The following THADA variants were observed in gnomAD, a reference collection of about 807,000 sequenced individuals.
THADA encodes THADA armadillo repeat containing, also known as tRNA (32-2'-O)-methyltransferase regulator THADA.
A neutral mutation model predicts 219.8 loss-of-function variants in THADA; 213 were observed. That is an observed-to-expected ratio of 0.97 (90% CI 0.87 to 1.09). The LOEUF (loss-of-function observed/expected upper bound fraction) is 1.09, where lower values mean the gene tolerates loss of function less well. Among genes scored for constraint, THADA ranks in the 50% least tolerant of loss-of-function variants. The pLI is 0.00. For missense variants in THADA, 2,956 were observed against 2,311.3 expected (o/e 1.28, Z -5.72); for synonymous variants, 1,018 against 828.9 (o/e 1.23, Z -3.92).
At chr2:43,564,999 T>C (rs1180500404) in intron 15 of THADA, 1 of 152,238 alleles carries the variant, frequency 6.6e-6, no homozygotes, top group Non-Finnish European at 1.5e-5. Flanking sequence ...AGGCCATTTG[T>C]TGGGACAATT....
At chr2:43,497,803 T>G (rs754720945) in intron 25 of THADA, among the ~76,000 whole-genome samples, 1 of 152,114 alleles carries the variant, frequency 6.6e-6, no homozygotes, top group African/African-American at 2.4e-5. Flanking sequence ...AAGAATCACT[T>G]GAACCCAGGA....
At chr2:43,272,197 G>A (rs1344943113) in intron 36 of THADA, among the ~76,000 whole-genome samples, 1 of 152,202 alleles carries the variant, frequency 6.6e-6, no homozygotes, top group Non-Finnish European at 1.5e-5. Flanking sequence ...CCCCAAAGAT[G>A]GCTGGAGTGG....
chr2:43,589,836 T>G (rs928717192), intron 4 of THADA, among the ~76,000 whole-genome samples: 4 of 151,638 alleles, frequency 2.6e-5, no homozygotes, highest in Admixed American at 6.6e-5. Context: ...AAATGAAAAT[T>G]AAAATTTAAA....
intron 29 of THADA, among the ~76,000 whole-genome samples, chr2:43,350,688 T>C (rs932391277): frequency 6.6e-6 from 1 of 152,232 alleles, no homozygotes; most frequent in Admixed American, 6.5e-5. Context: ...AACCTGGTCA[T>C]TCCCCAGAAG....
In THADA at chr2:43,545,037, T is replaced by G. The variant is rs1419073163; in HGVS notation, c.3107-3721A>C. ...TTGTCACAGATAGCTCTTATTATTT[T>G]GAGATACGTCCCATCAATATCTAAT... On this transcript the variant is annotated intron_variant, in intron 20 of 37. Transcript: ENST00000405975. Among the ~76,000 whole-genome samples the G allele has an allele frequency of 5.3e-5, 8 of 152,234 alleles. No individual in the cohort carries two copies. In the South Asian group the frequency reaches 1.7e-3, roughly 32 times the overall value.
chr2:43,539,657 G>A (rs1695051543), intron 21 of THADA, among the ~76,000 whole-genome samples: 1 of 152,184 alleles, frequency 6.6e-6, no homozygotes, highest in Non-Finnish European at 1.5e-5. Flanking sequence ...AGGTTACCAT[G>A]TGAATGGCAA....
chr2:43,473,700 C>G (rs574190764), intron 26 of THADA, among the ~76,000 whole-genome samples: 1 of 152,198 alleles, frequency 6.6e-6, no homozygotes, highest in Admixed American at 6.5e-5. Context: ...CCTCTGCCTC[C>G]TGGGCTCAAG....
rs780717880 is a variant in THADA at position 43,556,416 on chromosome 2, T to G, written c.2603A>C (p.Tyr868Ser). 4.3e-6 allele frequency: 7 copies of G among 1,613,794 alleles called. No individual in the cohort carries two copies. The Admixed American group carries it at 1.0e-4, about 23-fold the overall frequency. Residue 868 changes from tyrosine to serine, a missense_variant, in exon 17 of 38, where the codon TAC (tyrosine) becomes TCC (serine). Tyr to Ser is a moderately radical substitution (Grantham distance 144, BLOSUM62 -2). Transcript: ENST00000405975. ...QDALPSSLSA[Y>S]LTQQVACDNG... is the part of the protein sequence containing the mutation. ...ATCACATGCAACTTGCTGAGTTAAG[T>G]AGGCAGACAAGGATGACGGTAGAGC... is the stretch of plus-strand genomic sequence containing the variant.
intron 36 of THADA, among the ~76,000 whole-genome samples, chr2:43,276,916 A>T (rs1055322144): frequency 5.3e-5 from 8 of 152,014 alleles, no homozygotes; most frequent in Admixed American, 6.5e-5. Context: ...AAGTCACCTC[A>T]TGCTTTCCCT....
intron 30 of THADA, among the ~76,000 whole-genome samples, chr2:43,322,104 C>T (rs919897701): frequency 4.6e-5 from 7 of 151,582 alleles, no homozygotes; most frequent in Admixed American, 6.6e-5. Context: ...GGTATGATCT[C>T]GGCTTACTGC....
intron 30 of THADA, among the ~76,000 whole-genome samples, chr2:43,323,162 G>C (rs115804642): frequency 1.9e-3 from 295 of 152,026 alleles, no homozygotes; most frequent in Non-Finnish European, 3.4e-3. Flanking sequence ...TTTGTTCTGA[G>C]ACAGGGTCTT....
rs573597658 is a variant in THADA at position 43,552,030 on chromosome 2, C to G, written c.2811-105G>C. On this transcript the variant is annotated intron_variant, in intron 18 of 37. Transcript: ENST00000405975. Reference sequence around the variant, plus strand: ...CTTTGTGTTTCAAAATTGTTCAATACATAAAACATGTGAGACATAAAAATA... The same window carrying G: ...CTTTGTGTTTCAAAATTGTTCAATAGATAAAACATGTGAGACATAAAAATA... 20 of 1,551,716 alleles carry G rather than the reference C, an allele frequency of 1.3e-5. No individual in the cohort carries two copies. The South Asian group carries it at 2.5e-4, about 19-fold the overall frequency.
At chr2:43,555,186 T>C (rs1360729210) in intron 17 of THADA, among the ~76,000 whole-genome samples, 1 of 151,762 alleles carries the variant, frequency 6.6e-6, no homozygotes, top group Admixed American at 6.6e-5. Context: ...GAAAATTCAG[T>C]ATCATGTAAA....
At chr2:43,511,387 C>T (rs1690424405) in intron 22 of THADA, among the ~76,000 whole-genome samples, 1 of 152,184 alleles carries the variant, frequency 6.6e-6, no homozygotes, top group Admixed American at 6.5e-5. Context: ...GCAAAACCAA[C>T]CACTCCAAGA....
At chr2:43,381,029 C>T (rs1319443374) in intron 29 of THADA, among the ~76,000 whole-genome samples, 1 of 138,702 alleles carries the variant, frequency 7.2e-6, no homozygotes, top group Non-Finnish European at 1.5e-5. Flanking sequence ...ACCTGGGAGG[C>T]AGAGGCTGCA....
At chr2:43,507,541 A>G (rs1689835754) in intron 23 of THADA, among the ~76,000 whole-genome samples, 1 of 152,208 alleles carries the variant, frequency 6.6e-6, no homozygotes, top group Non-Finnish European at 1.5e-5. Flanking sequence ...AAATCCATTC[A>G]GCAGAACTAC....
chr2:43,448,560 C>CTTTTTTTTTT (rs71410179), intron 26 of THADA, among the ~76,000 whole-genome samples: 5 of 103,620 alleles, frequency 4.8e-5, no homozygotes, highest in Admixed American at 1.1e-4. Flanking sequence ...TTCTTCCTTT[C>CTTTTTTTTTT]TTTTTTTTTT....
chr2:43,349,223 C>A (rs1667980566), intron 29 of THADA, among the ~76,000 whole-genome samples: 1 of 152,060 alleles, frequency 6.6e-6, no homozygotes, highest in Admixed American at 6.6e-5. Flanking sequence ...TGATTTCTTG[C>A]CCCTGAGATG....
chr2:43,481,495 C>T (rs150142157), intron 26 of THADA, among the ~76,000 whole-genome samples: 1 of 152,322 alleles, frequency 6.6e-6, no homozygotes, highest in African/African-American at 2.4e-5. Flanking sequence ...CAAATCTACT[C>T]ATTTCCCAAT....
Sources: allele counts gnomAD v4.1 joint callset (sites outside exome capture counted in the v4.1 genomes callset), GRCh38; gene constraint gnomAD v4.1.1; transcripts MANE v1.5; gene names NCBI Gene and HGNC (gene_info 2026-07-23, HGNC 2026-07-21).